PTPRT: variants seen among roughly 807,000 people sequenced by gnomAD.
PTPRT encodes receptor-type tyrosine-protein phosphatase T.
In PTPRT, 56 loss-of-function variants were observed where a neutral mutation model predicts 176.8. The observed-to-expected ratio is 0.32, with a 90% CI of 0.26 to 0.40. The LOEUF (loss-of-function observed/expected upper bound fraction) is 0.40. PTPRT is among the 10% of genes least tolerant of loss of function. The probability of loss-of-function intolerance (pLI) is 1.00; values close to 1 mark genes in which losing one functional copy is unlikely to be tolerated. For missense variants in PTPRT, 1,540 were observed against 1,908.2 expected (o/e 0.81, Z 3.60); for synonymous variants, 783 against 739.0 (o/e 1.06, Z -0.96).
chr20:42,778,880 T>C (rs1048142000), intron 4 of PTPRT, among the ~76,000 whole-genome samples: 1 of 152,148 alleles, frequency 6.6e-6, no homozygotes. Flanking sequence ...GACAGACCCA[T>C]CTGAGAAATT....
intron 2 of PTPRT, among the ~76,000 whole-genome samples, chr20:42,881,724 CAAAAAAAAAAAAAA>C (rs112191705): frequency 2.7e-5 from 1 of 36,704 alleles, no homozygotes; most frequent in African/African-American, 6.8e-5. Context: ...CACTCTGTCT[CAAAAAAAAAAAAAA>C]AAAAAAAAAA....
chr20:42,229,575 T>C (rs2056091891), intron 15 of PTPRT, among the ~76,000 whole-genome samples: 1 of 152,218 alleles, frequency 6.6e-6, no homozygotes, highest in Non-Finnish European at 1.5e-5. Flanking sequence ...CAGCTGATGA[T>C]GTGAAAAGGC....
At chr20:42,773,922 T>C (rs970504478) in intron 4 of PTPRT, among the ~76,000 whole-genome samples, 1 of 152,216 alleles carries the variant, frequency 6.6e-6, no homozygotes, top group Non-Finnish European at 1.5e-5. Flanking sequence ...TATGCACAAT[T>C]AGCAATGAAT....
intron 2 of PTPRT, 46 bp from the exon 3 acceptor site, chr20:42,791,512 A>G (rs2077375813): frequency 6.5e-7 from 1 of 1,542,988 alleles, no homozygotes; most frequent in South Asian, 1.2e-5. Flanking sequence ...AAGAGAAAGT[A>G]AGAAAATCCT....
At chr20:42,616,728 G>C (rs1160157105) in intron 7 of PTPRT, among the ~76,000 whole-genome samples, 3 of 118,328 alleles carry the variant, frequency 2.5e-5, no homozygotes, top group Admixed American at 8.1e-5. Flanking sequence ...CTCATGATTT[G>C]GCTCTCTGTT....
intron 12 of PTPRT, among the ~76,000 whole-genome samples, chr20:42,309,469 C>G (rs1000538422): frequency 6.6e-6 from 1 of 152,150 alleles, no homozygotes; most frequent in Non-Finnish European, 1.5e-5. Context: ...GGAAAAAAAT[C>G]TTACTACTAT....
intron 1 of PTPRT, among the ~76,000 whole-genome samples, chr20:43,150,050 A>G: frequency 6.6e-6 from 1 of 152,248 alleles, no homozygotes; most frequent in East Asian, 1.9e-4. Context: ...TCCACGCAAT[A>G]GAATCTTTGT....
chr20:42,381,806 T>C (rs1267687370), intron 9 of PTPRT, among the ~76,000 whole-genome samples: 1 of 152,230 alleles, frequency 6.6e-6, no homozygotes, highest in African/African-American at 2.4e-5. Flanking sequence ...AATGTTCATC[T>C]TTACTGTGTT....
intron 7 of PTPRT, among the ~76,000 whole-genome samples, chr20:42,502,186 T>C (rs191434264): frequency 3.3e-5 from 5 of 152,228 alleles, no homozygotes; most frequent in Admixed American, 6.5e-5. Context: ...TCATTCATCA[T>C]TAAGTATTTT....
chr20:42,581,634 A>G (rs1366628076), intron 7 of PTPRT, among the ~76,000 whole-genome samples: 1 of 152,124 alleles, frequency 6.6e-6, no homozygotes, highest in African/African-American at 2.4e-5. Flanking sequence ...CCACAGAAGG[A>G]GCTGAATGTG....
intron 1 of PTPRT, among the ~76,000 whole-genome samples, chr20:43,029,897 C>A (rs917109280): frequency 2.0e-5 from 3 of 152,180 alleles, no homozygotes; most frequent in Non-Finnish European, 4.4e-5. Flanking sequence ...CACCTATTTC[C>A]GAGATAGAGG....
chr20:42,993,901 A>G (rs1438784607), intron 1 of PTPRT, among the ~76,000 whole-genome samples: 1 of 152,084 alleles, frequency 6.6e-6, no homozygotes, highest in Non-Finnish European at 1.5e-5. Flanking sequence ...CCCTGTTGAG[A>G]TATCCTGACT....
chr20:42,578,901 T>TC, intron 7 of PTPRT, among the ~76,000 whole-genome samples: 1 of 139,424 alleles, frequency 7.2e-6, no homozygotes, highest in African/African-American at 2.9e-5. Flanking sequence ...TTTTTTTTTT[T>TC]TGGGGGGGGG....
chr20:42,832,182 T>G (rs762046917), intron 2 of PTPRT, among the ~76,000 whole-genome samples: 4 of 152,222 alleles, frequency 2.6e-5, no homozygotes, highest in Non-Finnish European at 4.4e-5. Flanking sequence ...TGGAATACAA[T>G]GTAGCCATAA....
intron 1 of PTPRT, among the ~76,000 whole-genome samples, chr20:43,029,905 A>G (rs1169810836): frequency 6.6e-6 from 1 of 152,236 alleles, no homozygotes. Flanking sequence ...TCCGAGATAG[A>G]GGCTGTTGTA....
At chr20:43,152,510 G>T (rs1276099371) in intron 1 of PTPRT, among the ~76,000 whole-genome samples, 1 of 152,132 alleles carries the variant, frequency 6.6e-6, no homozygotes, top group African/African-American at 2.4e-5. Flanking sequence ...ACTACGTGAG[G>T]TCTCCCCAAT....
intron 16 of PTPRT, among the ~76,000 whole-genome samples, chr20:42,162,275 A>G (rs780509414): frequency 1.8e-4 from 27 of 152,148 alleles, no homozygotes; most frequent in Middle Eastern, 3.2e-3. Flanking sequence ...GCTGCTAGCT[A>G]CTTTCCCCGG....
intron 5 of PTPRT, among the ~76,000 whole-genome samples, chr20:42,763,940 A>C (rs1306297650): frequency 6.6e-6 from 1 of 152,148 alleles, no homozygotes; most frequent in Non-Finnish European, 1.5e-5. Flanking sequence ...AAGGAAACTA[A>C]TGAGAACATG....
rs576951315 is a variant in PTPRT, at chr20:42,561,648, G to C, written c.1154-89086C>G. Among the ~76,000 whole-genome samples, 5 of 152,310 alleles carry C rather than the reference G, an allele frequency of 3.3e-5. No individual in the cohort carries two copies. The South Asian group carries it at 1.0e-3, about 32-fold the overall frequency. ...TTCATGGAGTCAGGGTGTGGGCTTA[G>C]AATGCTGATCTCCACACTTGGTCAT... On this transcript the variant is annotated intron_variant, in intron 7 of 30. Coordinates refer to ENST00000373187, the MANE Select transcript of PTPRT (RefSeq NM_007050.6).
Sources: allele counts gnomAD v4.1 joint callset (sites outside exome capture counted in the v4.1 genomes callset), GRCh38; gene constraint gnomAD v4.1.1; transcripts MANE v1.5; gene names NCBI Gene and HGNC (gene_info 2026-07-23, HGNC 2026-07-21).